HPSE2: variants seen among roughly 807,000 people sequenced by gnomAD.
HPSE2 encodes heparanase 2 (inactive).
In HPSE2, 38 loss-of-function variants were observed where a neutral mutation model predicts 60.5. That is an observed-to-expected ratio of 0.63 (90% CI 0.48 to 0.82). The LOEUF is 0.82. HPSE2 is among the 40% of genes least tolerant of loss of function. The pLI is 0.00. For synonymous variants in HPSE2, 295 were observed against 293.2 expected, an observed-to-expected ratio of 1.01 and a Z score of -0.06; for missense variants, 713 against 740.4, an observed-to-expected ratio of 0.96 and a Z score of 0.43.
At chr10:99,264,735 T>C in the HPSE2 span, among the ~76,000 whole-genome samples, 2 of 152,164 alleles carry the variant, frequency 1.3e-5, no homozygotes, top group African/African-American at 2.4e-5. Flanking sequence ...AGTTTCTCAA[T>C]TCATACAAAA....
At chr10:98,952,593 A>G (rs1156305115) in intron 3 of HPSE2, among the ~76,000 whole-genome samples, 1 of 152,170 alleles carries the variant, frequency 6.6e-6, no homozygotes, top group Non-Finnish European at 1.5e-5. Flanking sequence ...GGACAAAAAC[A>G]TTGTATTAGT....
intron 2 of HPSE2, among the ~76,000 whole-genome samples, chr10:99,146,153 T>C (rs189153182): frequency 6.6e-5 from 10 of 152,340 alleles, no homozygotes; most frequent in Non-Finnish European, 1.2e-4. Context: ...AGAGGAATAA[T>C]GCAGTTTACA....
At chr10:99,113,834 TTTAGG>T (rs2135687339) in intron 3 of HPSE2, among the ~76,000 whole-genome samples, 1 of 152,184 alleles carries the variant, frequency 6.6e-6, no homozygotes, top group South Asian at 2.1e-4. Flanking sequence ...AGTGAAGTAA[TTTAGG>T]TTTTTTTTTT....
chr10:98,645,306 G>A (rs72831969), intron 6 of HPSE2, among the ~76,000 whole-genome samples: 1,545 of 152,328 alleles, frequency 0.01, 12 homozygotes, highest in South Asian at 0.027. Flanking sequence ...GACAAGAAAT[G>A]TTGACGTGGG....
chr10:99,087,442 T>C (rs1024992026), intron 3 of HPSE2, among the ~76,000 whole-genome samples: 29 of 152,210 alleles, frequency 1.9e-4, no homozygotes, highest in African/African-American at 6.8e-4. Context: ...CAATGGAAAT[T>C]CTGGGTGCGC....
In HPSE2 at chr10:99,139,593, T is replaced by A. The variant is rs539954173; in HGVS notation, c.610+4645A>T. ...TGATGTTTACTATATTTATTACTTA[T>A]AAAGCACGAACACAAGGATTTCATT... On this transcript the variant is annotated intron_variant, in intron 3 of 11. Transcript: ENST00000370552. 3.4e-4 allele frequency among the ~76,000 whole-genome samples: 52 copies of A among 152,316 alleles called. 1 individual carries two copies. In the South Asian group the frequency reaches 0.011, roughly 31 times the overall value.
At chr10:99,108,964 A>G (rs1844353610) in intron 3 of HPSE2, among the ~76,000 whole-genome samples, 1 of 152,066 alleles carries the variant, frequency 6.6e-6, no homozygotes. Flanking sequence ...CCTTATCTCT[A>G]AGAGTACAGC....
At chr10:98,887,820 A>G (rs1953208787) in intron 3 of HPSE2, among the ~76,000 whole-genome samples, 2 of 152,028 alleles carry the variant, frequency 1.3e-5, no homozygotes, top group African/African-American at 4.8e-5. Flanking sequence ...TGGTGAAAAC[A>G]ATATGACACA....
intron 3 of HPSE2, among the ~76,000 whole-genome samples, chr10:99,010,027 G>A (rs895661961): frequency 2.6e-5 from 4 of 152,216 alleles, no homozygotes; most frequent in Non-Finnish European, 4.4e-5. Flanking sequence ...GGAACAATTA[G>A]CTAGTTTAAT....
intron 3 of HPSE2, among the ~76,000 whole-genome samples, chr10:98,759,844 T>C (rs1038999642): frequency 6.6e-6 from 1 of 152,164 alleles, no homozygotes; most frequent in African/African-American, 2.4e-5. Context: ...CATTGGAATT[T>C]TGATATGAAT....
At chr10:99,269,526 C>T in the HPSE2 span, among the ~76,000 whole-genome samples, 92 of 152,274 alleles carry the variant, frequency 6.0e-4, no homozygotes, top group Admixed American at 9.8e-4. Context: ...CAATACTCCA[C>T]TAACAGCACT....
At chr10:98,750,371 G>C (rs754127667) in intron 3 of HPSE2, among the ~76,000 whole-genome samples, 1 of 152,096 alleles carries the variant, frequency 6.6e-6, no homozygotes, top group African/African-American at 2.4e-5. Context: ...AAGAACTTTG[G>C]CTTTTGCCCT....
chr10:98,875,913 C>T (rs892702875), intron 3 of HPSE2, among the ~76,000 whole-genome samples: 2 of 151,892 alleles, frequency 1.3e-5, no homozygotes, highest in African/African-American at 4.8e-5. Flanking sequence ...GAGTAATATA[C>T]TACAGTAGTT....
chr10:98,991,258 T>G (rs1265813721), intron 3 of HPSE2, among the ~76,000 whole-genome samples: 1 of 152,072 alleles, frequency 6.6e-6, no homozygotes, highest in Non-Finnish European at 1.5e-5. Flanking sequence ...AGTTAGAAAG[T>G]GCTGAGGTCA....
intron 11 of HPSE2, among the ~76,000 whole-genome samples, chr10:98,476,647 G>A (rs1202131670): frequency 6.6e-6 from 1 of 151,832 alleles, no homozygotes; most frequent in Non-Finnish European, 1.5e-5. Flanking sequence ...AAAACTAGCT[G>A]GGCGTGGTGG....
rs1478144430 is a variant in HPSE2 at position 98,458,564 on chromosome 10, C to G, written c.*1010G>C. The G allele has an allele frequency of 1.3e-5, 2 of 152,152 alleles. No homozygotes were observed. Among genetic ancestry groups the G allele is most frequent in the East Asian group, 3.8e-4 (2 of 5,196 alleles). The allele number at this position is 152,152 out of a possible 1,614,324, so 9.4% of individuals were successfully genotyped here. On this transcript the variant is annotated 3_prime_UTR_variant, in exon 12 of 12. Coordinates refer to ENST00000370552, the MANE Select transcript of HPSE2 (RefSeq NM_021828.5). ...TTCAGTTGTGTCTTCCAGTGATGAC[C>G]TTGATTCACACTTTTTTCTTCTTTT...
the HPSE2 span, among the ~76,000 whole-genome samples, chr10:99,260,850 C>T: frequency 6.6e-6 from 1 of 152,130 alleles, no homozygotes; most frequent in Admixed American, 6.6e-5. Flanking sequence ...ACCTTGCGAC[C>T]TCCATTCCTC....
intron 2 of HPSE2, among the ~76,000 whole-genome samples, chr10:99,186,878 G>A (rs1441059914): frequency 6.6e-6 from 1 of 151,956 alleles, no homozygotes; most frequent in Non-Finnish European, 1.5e-5. Flanking sequence ...AACCTCCCTG[G>A]CTCAAGCTAT....
chr10:99,212,637 G>C (rs1848988559), intron 2 of HPSE2, among the ~76,000 whole-genome samples: 1 of 152,052 alleles, frequency 6.6e-6, no homozygotes, highest in Non-Finnish European at 1.5e-5. Flanking sequence ...GTTATTGTGG[G>C]GCAGAGGGTT....
Sources: gnomAD v4.1 joint callset for allele counts (sites outside exome capture counted in the v4.1 genomes callset) on GRCh38, gnomAD v4.1.1 for gene constraint, MANE v1.5 for transcripts, NCBI Gene and HGNC (gene_info 2026-07-23, HGNC 2026-07-21) for gene names.